Variants in TEX36 observed in about 807,000 individuals in gnomAD.
TEX36 encodes the protein testis expressed 36, also known as testis-expressed protein 36.
Under a neutral mutation model 13.6 loss-of-function variants are expected in TEX36, and 12 were observed. The ratio of observed to expected loss-of-function variants is 0.88; its 90% confidence interval spans 0.56 to 1.43. The LOEUF is 1.43. Among genes scored for constraint, TEX36 ranks in the 40% most tolerant of loss-of-function variants. TEX36 has a pLI of 0.00. For missense variants in TEX36, 224 were observed against 228.3 expected, an observed-to-expected ratio of 0.98 and a Z score of 0.12; for synonymous variants, 93 against 83.0, an observed-to-expected ratio of 1.12 and a Z score of -0.65.
intron 1 of TEX36, among the ~76,000 whole-genome samples, chr10:125,680,040 CTT>C (rs1440103026): frequency 2.0e-5 from 3 of 152,228 alleles, no homozygotes; most frequent in Admixed American, 6.5e-5. Context: ...GCTTTCCTCT[CTT>C]AATATATTCT....
intron 1 of TEX36, chr10:125,667,775 T>C: frequency 1.1e-6 from 1 of 926,452 alleles, no homozygotes; most frequent in Admixed American, 2.0e-5. Flanking sequence ...CAGCTGACAG[T>C]AGAAGCGCCA....
intron 3 of TEX36, chr10:125,578,534 G>T (rs1052574039): frequency 2.6e-5 from 4 of 152,154 alleles, no homozygotes; most frequent in Admixed American, 6.5e-5. Context: ...ACTCAGAAAA[G>T]AGTTCATTTG....
chr10:125,658,682 C>T (rs1326098727), intron 3 of TEX36, among the ~76,000 whole-genome samples: 2 of 151,964 alleles, frequency 1.3e-5, no homozygotes, highest in East Asian at 3.8e-4. Flanking sequence ...CTGAAATTTA[C>T]CATAACCCAT....
At chr10:125,682,085 C>T (rs567318010) in intron 1 of TEX36, among the ~76,000 whole-genome samples, 7 of 152,258 alleles carry the variant, frequency 4.6e-5, no homozygotes, top group East Asian at 1.9e-4. Flanking sequence ...TTTCTCATTG[C>T]GAGTCTACTG....
intron 3 of TEX36, among the ~76,000 whole-genome samples, chr10:125,636,653 C>T (rs1418520376): frequency 6.6e-6 from 1 of 152,180 alleles, no homozygotes; most frequent in Non-Finnish European, 1.5e-5. Context: ...AATCTGCCCA[C>T]ACACTGTGAC....
intron 3 of TEX36, among the ~76,000 whole-genome samples, chr10:125,632,743 T>C (rs753529125): frequency 1.3e-5 from 2 of 152,130 alleles, no homozygotes; most frequent in African/African-American, 4.8e-5. Context: ...ACTAGTTCCG[T>C]CCGCTTTTCT....
chr10:125,612,668 T>C (rs1336093698), intron 3 of TEX36, among the ~76,000 whole-genome samples: 5 of 152,116 alleles, frequency 3.3e-5, no homozygotes, highest in African/African-American at 9.6e-5. Context: ...CCCTTAGTAA[T>C]CCCCCGGGCT....
intron 1 of TEX36, 35 bp downstream of exon 1, chr10:125,682,904 A>G (rs1180586256): frequency 6.4e-7 from 1 of 1,551,454 alleles, no homozygotes; most frequent in African/African-American, 1.4e-5. Flanking sequence ...CCCACGTGGC[A>G]TGAGAAAGGC....
At chr10:125,635,483 C>T (rs140297180) in intron 3 of TEX36, among the ~76,000 whole-genome samples, 59 of 152,320 alleles carry the variant, frequency 3.9e-4, no homozygotes, top group African/African-American at 1.3e-3. Flanking sequence ...CCAAGACCAG[C>T]CTTGACAACT....
In TEX36 at chr10:125,625,926, G is replaced by T. The variant is rs376651497; in HGVS notation, c.265-4281C>A. ...CATGGGTTCTGTCGGAGTTGGTATA[G>T]TGGACACCGAGGTGTGCCGCCCAGA... On this transcript the variant is annotated intron_variant, in intron 3 of 3. Transcript: ENST00000526819. 1.4e-4 allele frequency among the ~76,000 whole-genome samples: 22 copies of T among 152,348 alleles called. No individual in the cohort carries two copies. The East Asian group carries it at 2.7e-3, about 19-fold the overall frequency.
intron 1 of TEX36, among the ~76,000 whole-genome samples, chr10:125,674,709 T>C (rs9422932): frequency 0.017 from 2,635 of 152,272 alleles, 73 homozygotes; most frequent in African/African-American, 0.059. Flanking sequence ...TTGCTGGAGG[T>C]CCATTCCAGA....
In TEX36 at chr10:125,603,113, C is replaced by T. The variant is rs80333085; in HGVS notation, c.265-26239G>A. On this transcript the variant is annotated intron_variant, in intron 3 of 3. Coordinates refer to the TEX36 transcript ENST00000532135. ...AGAGACTCGGACCATTTTTCAGGAG[C>T]GATGACCATCTGCGGACAAGGCCAA... Among the ~76,000 whole-genome samples, 682 of 152,318 alleles carry T rather than the reference C, an allele frequency of 4.5e-3. 8 individuals are homozygous for T. The highest frequency in any genetic ancestry group is 0.016 in the African/African-American group (648 of 41,574).
At chr10:125,662,804 G>A (rs1847068331) in intron 1 of TEX36, among the ~76,000 whole-genome samples, 1 of 152,174 alleles carries the variant, frequency 6.6e-6, no homozygotes, top group Non-Finnish European at 1.5e-5. Flanking sequence ...CAGACCTGTA[G>A]GTGTGGGCAG....
intron 1 of TEX36, among the ~76,000 whole-genome samples, chr10:125,662,946 A>C (rs1255337043): frequency 1.3e-5 from 2 of 152,208 alleles, no homozygotes; most frequent in Non-Finnish European, 2.9e-5. Context: ...ACCCCAACAA[A>C]GTGAGCTCTG....
At chr10:125,645,865 G>T (rs550412511) in intron 3 of TEX36, among the ~76,000 whole-genome samples, 13 of 152,262 alleles carry the variant, frequency 8.5e-5, no homozygotes, top group African/African-American at 2.6e-4. Flanking sequence ...AACAGTGACA[G>T]AAATTGACTA....
At chr10:125,634,550 G>A (rs1235138515) in intron 3 of TEX36, among the ~76,000 whole-genome samples, 3 of 152,078 alleles carry the variant, frequency 2.0e-5, no homozygotes, top group East Asian at 3.9e-4. Context: ...ATAACAAAAG[G>A]GAATCTATCT....
chr10:125,637,852 G>A (rs1466888499), intron 3 of TEX36, among the ~76,000 whole-genome samples: 1 of 151,506 alleles, frequency 6.6e-6, no homozygotes, highest in Non-Finnish European at 1.5e-5. Context: ...ATTTTCTCCT[G>A]CCCCCACTCC....
intron 1 of TEX36, among the ~76,000 whole-genome samples, chr10:125,670,083 T>A (rs1394561100): frequency 1.3e-5 from 2 of 152,246 alleles, no homozygotes; most frequent in Non-Finnish European, 2.9e-5. Context: ...TATAATAGAA[T>A]GATTTCTATT....
At chr10:125,659,491 T>C (rs927480370) in intron 3 of TEX36, among the ~76,000 whole-genome samples, 1 of 152,186 alleles carries the variant, frequency 6.6e-6, no homozygotes, top group South Asian at 2.1e-4. Context: ...TCTGTATGAT[T>C]TCAGTTTTTT....
Sources: allele counts gnomAD v4.1 joint callset (sites outside exome capture counted in the v4.1 genomes callset), GRCh38; gene constraint gnomAD v4.1.1; transcripts MANE v1.5; gene names NCBI Gene and HGNC (gene_info 2026-07-23, HGNC 2026-07-21).